The following ERC1 variants were observed in gnomAD, a reference collection of about 807,000 sequenced individuals.
The protein encoded by ERC1 is RAB6 interacting protein 2.
ERC1 carries 56 observed loss-of-function variants against 132.0 expected under a neutral mutation model. The observed-to-expected ratio is 0.42, with a 90% CI of 0.34 to 0.53. ERC1 has a LOEUF of 0.53. Among genes scored for constraint, ERC1 ranks in the 20% least tolerant of loss-of-function variants. The probability of loss-of-function intolerance (pLI) is 0.03; values close to 1 mark genes in which losing one functional copy is unlikely to be tolerated. For synonymous variants in ERC1, 478 were observed against 476.1 expected (o/e 1.00, Z -0.05); for missense variants, 1,202 against 1,349.9 (o/e 0.89, Z 1.72).
chr12:1,243,291 A>G (rs999049455), intron 13 of ERC1, among the ~76,000 whole-genome samples: 1 of 152,080 alleles, frequency 6.6e-6, no homozygotes, highest in African/African-American at 2.4e-5. Flanking sequence ...AGCATTTTAT[A>G]TCAGGGACTT....
chr12:1,190,053 G>C lies in ERC1; in HGVS notation c.2351+1G>C. 6.2e-7 allele frequency: 1 copy of C among 1,611,656 alleles called. No individual in the cohort carries two copies. The highest frequency in any genetic ancestry group is 8.5e-7 in the Non-Finnish European group (1 of 1,178,138). The stretch of plus-strand genomic sequence containing the variant: ...ATAAGAAGATAGCTGAGTTGGAAAG[G>C]TAAGAAAGTGAAGCTGATTGGGGCT... On this transcript the variant is annotated splice_donor_variant, in intron 12 of 18. Transcript: ENST00000360905. LOFTEE classifies it high-confidence loss of function.
At chr12:1,325,978 A>G (rs1595011334) in intron 15 of ERC1, among the ~76,000 whole-genome samples, 3 of 152,178 alleles carry the variant, frequency 2.0e-5, no homozygotes, top group South Asian at 4.1e-4. Context: ...TTTCAGGGAT[A>G]TGATTGTGGT....
intron 17 of ERC1, among the ~76,000 whole-genome samples, chr12:1,439,956 G>A (rs546563222): frequency 5.3e-5 from 8 of 152,266 alleles, no homozygotes; most frequent in South Asian, 4.2e-4. Context: ...CATGTGTTCC[G>A]AGAGGCTTAA....
intron 1 of ERC1, among the ~76,000 whole-genome samples, chr12:1,009,483 A>C (rs550639303): frequency 6.6e-6 from 1 of 152,142 alleles, no homozygotes; most frequent in Non-Finnish European, 1.5e-5. Context: ...CAAGATTTTG[A>C]CTTTAGAGTT....
At chr12:1,385,531 C>G (rs185049226) in intron 16 of ERC1, among the ~76,000 whole-genome samples, 548 of 152,240 alleles carry the variant, frequency 3.6e-3, no homozygotes, top group African/African-American at 0.013. Context: ...TGATAACGCC[C>G]GCCTCAGCCT....
intron 15 of ERC1, among the ~76,000 whole-genome samples, chr12:1,293,629 CAAAA>C (rs570069080): frequency 4.5e-5 from 5 of 110,528 alleles, no homozygotes; most frequent in African/African-American, 1.3e-4. Flanking sequence ...AACTCTGTCT[CAAAA>C]AAAAAAAAAA....
At chr12:1,266,705 C>T (rs984549787) in intron 14 of ERC1, among the ~76,000 whole-genome samples, 4 of 151,908 alleles carry the variant, frequency 2.6e-5, no homozygotes, top group African/African-American at 9.7e-5. Context: ...GTGCCTGGCC[C>T]ATCTTTTCCT....
At position 1,300,785 on chromosome 12, in the gene ERC1, T is replaced by C. The variant is rs529569966; in HGVS notation, c.2780+10773T>C. On this transcript the variant is annotated intron_variant, in intron 15 of 18. Transcript: ENST00000360905. ...TCATGCTAGTTGGAATGGCTGTTAT[T>C]ACAAAGTCAAATAACAGATGCTGGT... Among the ~76,000 whole-genome samples, 4 of 152,154 alleles carry C rather than the reference T, an allele frequency of 2.6e-5. No homozygotes were observed. The East Asian group carries it at 5.8e-4, about 22-fold the overall frequency.
At chr12:1,078,331 C>A (rs1433927990) in intron 2 of ERC1, among the ~76,000 whole-genome samples, 1 of 151,886 alleles carries the variant, frequency 6.6e-6, no homozygotes, top group Non-Finnish European at 1.5e-5. Flanking sequence ...TTTGATACAT[C>A]TTTTTATTGA....
At chr12:1,138,283 G>A (rs1229898957) in intron 7 of ERC1, among the ~76,000 whole-genome samples, 16 of 131,214 alleles carry the variant, frequency 1.2e-4, no homozygotes, top group African/African-American at 4.3e-4. Flanking sequence ...TACAATATAT[G>A]ATATATATTA....
At chr12:1,107,089 C>T (rs368813146) in intron 4 of ERC1, among the ~76,000 whole-genome samples, 1 of 152,200 alleles carries the variant, frequency 6.6e-6, no homozygotes. Context: ...TCTCCTCTTT[C>T]GCCTCTTCTT....
intron 1 of ERC1, among the ~76,000 whole-genome samples, chr12:995,484 G>C (rs1015167017): frequency 1.3e-5 from 2 of 152,164 alleles, no homozygotes; most frequent in Admixed American, 1.3e-4. Flanking sequence ...GAAGAATAAA[G>C]TTGCCAGTAA....
chr12:1,212,572 C>T (rs74057296), intron 12 of ERC1, among the ~76,000 whole-genome samples: 4,414 of 152,226 alleles, frequency 0.029, 222 homozygotes, highest in African/African-American at 0.1. Context: ...CAGCTAAAGA[C>T]GGGGTCCTTG....
chr12:1,023,082 T>C (rs1372127565), intron 1 of ERC1, among the ~76,000 whole-genome samples: 1 of 152,210 alleles, frequency 6.6e-6, no homozygotes, highest in Non-Finnish European at 1.5e-5. Context: ...CTTTCTTTTA[T>C]AAATTACCCA....
intron 15 of ERC1, among the ~76,000 whole-genome samples, chr12:1,345,941 G>A (rs1382479582): frequency 6.6e-6 from 1 of 152,128 alleles, no homozygotes; most frequent in African/African-American, 2.4e-5. Flanking sequence ...AGCTAGTTAC[G>A]AAATTCTTAG....
intron 16 of ERC1, among the ~76,000 whole-genome samples, chr12:1,394,292 G>C (rs561060531): frequency 1.5e-3 from 222 of 149,116 alleles, no homozygotes; most frequent in African/African-American, 4.5e-3. Flanking sequence ...CCCAGCTACT[G>C]GGGAGGCTGA....
At chr12:1,014,395 C>T (rs1192634947) in intron 1 of ERC1, among the ~76,000 whole-genome samples, 4 of 151,782 alleles carry the variant, frequency 2.6e-5, no homozygotes, top group South Asian at 2.1e-4. Flanking sequence ...AGGCTGGTCT[C>T]GAACTCCTGA....
chr12:1,180,261 G>A lies in ERC1; in HGVS notation c.1738-279G>A, dbSNP rs948891318. Among the ~76,000 whole-genome samples, 95 of 147,276 alleles carry A rather than the reference G, an allele frequency of 6.5e-4. 1 individual carries two copies. The highest frequency in any genetic ancestry group is 2.2e-3 in the African/African-American group (84 of 37,472). On this transcript the variant is annotated intron_variant, in intron 8 of 18. Transcript: ENST00000360905. ...TTCTTATTTTGTTAGGGATGTGTGT[G>A]TGTGTGTGTGTGTGTGTGTGTGCGC...
chr12:1,283,399 C>T (rs1440631645), intron 14 of ERC1, among the ~76,000 whole-genome samples: 2 of 152,180 alleles, frequency 1.3e-5, no homozygotes, highest in African/African-American at 2.4e-5. Context: ...TCTTTACCCT[C>T]GTTTCTCTGG....
Sources: allele counts gnomAD v4.1 joint callset (sites outside exome capture counted in the v4.1 genomes callset), GRCh38; gene constraint gnomAD v4.1.1; transcripts MANE v1.5; gene names NCBI Gene and HGNC (gene_info 2026-07-23, HGNC 2026-07-21).